Variants in SLC49A4 observed in about 807,000 individuals in gnomAD.
SLC49A4 encodes the protein disrupted in renal cancer protein 2.
A neutral mutation model predicts 50.6 loss-of-function variants in SLC49A4; 36 were observed. That is an observed-to-expected ratio of 0.71 (90% CI 0.55 to 0.94). The LOEUF (loss-of-function observed/expected upper bound fraction) is 0.94. SLC49A4 is among the 40% of genes least tolerant of loss of function. SLC49A4 has a pLI of 0.00. For synonymous variants in SLC49A4, 248 were observed against 241.2 expected (o/e 1.03, Z -0.26); for missense variants, 503 against 605.7 (o/e 0.83, Z 1.78).
chr3:122,874,622 A>G (rs1341242529), intron 8 of SLC49A4, among the ~76,000 whole-genome samples: 1 of 152,218 alleles, frequency 6.6e-6, no homozygotes, highest in Non-Finnish European at 1.5e-5. Flanking sequence ...TTTCTTTTAG[A>G]TTCAAGGAGT....
chr3:122,821,923 C>T (rs1936459551), intron 2 of SLC49A4, among the ~76,000 whole-genome samples: 1 of 152,084 alleles, frequency 6.6e-6, no homozygotes, highest in Admixed American at 6.5e-5. Context: ...TAGAACTGAT[C>T]TGATGTATGC....
At chr3:122,845,566 A>G (rs1015672234) in intron 4 of SLC49A4, among the ~76,000 whole-genome samples, 197 bp from the exon 5 acceptor site, 1 of 148,058 alleles carries the variant, frequency 6.8e-6, no homozygotes, top group African/African-American at 2.5e-5. Context: ...TTCAACCAGC[A>G]GTATATATGC....
chr3:122,861,437 G>A lies in SLC49A4; in HGVS notation c.1138+1235G>A, dbSNP rs557425327. ...TGCAAGTAATATTCAGCCACCTTTT[G>A]CATTATATATTTAATTATAGGATTA... On this transcript the variant is annotated intron_variant, in intron 7 of 8. Coordinates refer to ENST00000261038, the MANE Select transcript of SLC49A4 (RefSeq NM_032839.3). 5.3e-5 allele frequency among the ~76,000 whole-genome samples: 8 copies of A among 152,156 alleles called. No homozygotes were observed. The South Asian group carries it at 1.7e-3, about 32-fold the overall frequency.
chr3:122,799,286 A>G (rs540732764), intron 1 of SLC49A4, among the ~76,000 whole-genome samples: 61 of 152,358 alleles, frequency 4.0e-4, no homozygotes, highest in Admixed American at 6.5e-4. Context: ...ATAGAGTGGT[A>G]TCATACTTTA....
At chr3:122,824,126 T>C (rs1365577282) in intron 2 of SLC49A4, among the ~76,000 whole-genome samples, 1 of 152,240 alleles carries the variant, frequency 6.6e-6, no homozygotes, top group African/African-American at 2.4e-5. Flanking sequence ...GAAGAGTGTA[T>C]GTATGATGAC....
At position 122,879,272 on chromosome 3, in the gene SLC49A4, G is replaced by A; in HGVS notation, c.1331G>A (p.Trp444Ter). The change falls in exon 9 of 9, where the codon TGG becomes TAG. Residue 444 changes from tryptophan (W) to a stop codon, truncating the protein, a stop_gained. Transcript: ENST00000261038. LOFTEE classifies it high-confidence loss of function. ...FLTFYHTELS[W>*]FNWCLPGSCL... ...TTTTTTTGTCTTACAGAGTTGTCTT[G>A]GTTCAACTGGTGCCTTCCCGGGTCG... 1 of 1,613,554 alleles carries A rather than the reference G, an allele frequency of 6.2e-7. No individual in the cohort carries two copies. Among genetic ancestry groups the A allele is most frequent in the South Asian group, 1.1e-5 (1 of 91,044 alleles).
intron 2 of SLC49A4, among the ~76,000 whole-genome samples, chr3:122,812,063 C>G (rs1271722044): frequency 2.0e-5 from 3 of 152,090 alleles, no homozygotes; most frequent in Non-Finnish European, 4.4e-5. Flanking sequence ...TCAAGGGATC[C>G]TCCTGCCTCA....
chr3:122,862,933 T>C (rs1937074683), intron 7 of SLC49A4, among the ~76,000 whole-genome samples: 1 of 152,192 alleles, frequency 6.6e-6, no homozygotes, highest in African/African-American at 2.4e-5. Flanking sequence ...ATCTTTTAAA[T>C]CTTAAAATTG....
chr3:122,835,437 G>A (rs1324137271), intron 4 of SLC49A4, among the ~76,000 whole-genome samples: 2 of 152,074 alleles, frequency 1.3e-5, no homozygotes, highest in Non-Finnish European at 2.9e-5. Context: ...TGATCAAGTG[G>A]GTTTCATACC....
Position 122,795,549 on chromosome 3 carries a change from G to C in SLC49A4, c.343+14G>C. 1.9e-6 allele frequency: 3 copies of C among 1,579,300 alleles called. No homozygotes were observed. The highest frequency in any genetic ancestry group is 2.6e-6 in the Non-Finnish European group (3 of 1,171,510). The stretch of plus-strand genomic sequence containing the variant: ...TGGACAAGAGAGGTGAGGGGTCGCG[G>C]AGCGCCAGCCCGCGCTGTCTCTCCT... On this transcript the variant is annotated intron_variant, in intron 1 of 8. Transcript: ENST00000261038.
chr3:122,827,412 T>C (rs1936546088), intron 3 of SLC49A4, among the ~76,000 whole-genome samples: 2 of 152,262 alleles, frequency 1.3e-5, no homozygotes, highest in South Asian at 2.1e-4. Flanking sequence ...TAACCTTTTG[T>C]TAAACATCTA....
chr3:122,854,820 G>A (rs980044714), intron 5 of SLC49A4, among the ~76,000 whole-genome samples: 1 of 152,144 alleles, frequency 6.6e-6, no homozygotes, highest in African/African-American at 2.4e-5. Context: ...GGCTGGGCGC[G>A]GTGGCTCACG....
At chr3:122,803,631 G>C (rs367862247) in intron 1 of SLC49A4, among the ~76,000 whole-genome samples, 1 of 152,236 alleles carries the variant, frequency 6.6e-6, no homozygotes, top group Non-Finnish European at 1.5e-5. Flanking sequence ...GCTGATGGAA[G>C]TGTGGAGCCA....
intron 4 of SLC49A4, among the ~76,000 whole-genome samples, chr3:122,835,038 G>A (rs572482852): frequency 7.2e-5 from 11 of 152,244 alleles, no homozygotes; most frequent in South Asian, 6.2e-4. Flanking sequence ...ATAATGAGCC[G>A]TGAGATTGAT....
chr3:122,847,338 A>G (rs575759033), intron 5 of SLC49A4, among the ~76,000 whole-genome samples: 10 of 143,232 alleles, frequency 7.0e-5, no homozygotes, highest in African/African-American at 2.1e-4. Flanking sequence ...CATCCACAAC[A>G]TACAGTGTAC....
intron 6 of SLC49A4, 84 bp downstream of exon 6, chr3:122,856,458 A>G: frequency 8.0e-7 from 1 of 1,256,040 alleles, no homozygotes; most frequent in Middle Eastern, 1.9e-4. Context: ...AATAAACATT[A>G]CAATTCAGGG....
At chr3:122,844,165 A>G (rs1490688365) in intron 4 of SLC49A4, among the ~76,000 whole-genome samples, 1 of 152,232 alleles carries the variant, frequency 6.6e-6, no homozygotes, top group East Asian at 1.9e-4. Flanking sequence ...ATGTGATCAT[A>G]GCACACAGTA....
At chr3:122,828,968 C>G (rs1936573956) in intron 3 of SLC49A4, among the ~76,000 whole-genome samples, 1 of 152,194 alleles carries the variant, frequency 6.6e-6, no homozygotes, top group Admixed American at 6.5e-5. Flanking sequence ...GAAGCCCCTG[C>G]TCAAAGCTTC....
chr3:122,842,894 C>G (rs1936792856), intron 4 of SLC49A4, among the ~76,000 whole-genome samples: 1 of 152,208 alleles, frequency 6.6e-6, no homozygotes, highest in Non-Finnish European at 1.5e-5. Context: ...GTGGGCCTGC[C>G]ATGCCCCATT....
Sources: allele counts gnomAD v4.1 joint callset (sites outside exome capture counted in the v4.1 genomes callset), GRCh38; gene constraint gnomAD v4.1.1; transcripts MANE v1.5; gene names NCBI Gene and HGNC (gene_info 2026-07-23, HGNC 2026-07-21).